Variants in EXTL3 observed in about 807,000 individuals in gnomAD.
EXTL3 encodes the protein exostosin like glycosyltransferase 3.
Under a neutral mutation model 69.3 loss-of-function variants are expected in EXTL3, and 27 were observed. That is an observed-to-expected ratio of 0.39 (90% CI 0.29 to 0.54). The LOEUF (loss-of-function observed/expected upper bound fraction) is 0.54. Among genes scored for constraint, EXTL3 ranks in the 20% least tolerant of loss-of-function variants. The probability of loss-of-function intolerance (pLI) is 0.69; values close to 1 mark genes in which losing one functional copy is unlikely to be tolerated. For missense variants in EXTL3, 1,003 were observed against 1,231.8 expected (o/e 0.81, Z 2.78); for synonymous variants, 511 against 499.4 (o/e 1.02, Z -0.31).
chr8:28,738,052 G>C (rs1801688428), intron 5 of EXTL3, among the ~76,000 whole-genome samples: 1 of 152,172 alleles, frequency 6.6e-6, no homozygotes, highest in Non-Finnish European at 1.5e-5. Context: ...GATATACCAT[G>C]CCTGTCCCGG....
intron 2 of EXTL3, among the ~76,000 whole-genome samples, chr8:28,611,261 G>A (rs1806267922): frequency 6.6e-6 from 1 of 152,106 alleles, no homozygotes; most frequent in South Asian, 2.1e-4. Flanking sequence ...GATCAGTGTG[G>A]GCAATATAGT....
intron 3 of EXTL3, among the ~76,000 whole-genome samples, chr8:28,728,401 T>A (rs1162483672): frequency 6.6e-6 from 1 of 152,232 alleles, no homozygotes; most frequent in African/African-American, 2.4e-5. Flanking sequence ...TTGTGGACTC[T>A]GAGCTTAGGA....
rs1366297716 is a variant in EXTL3 at position 28,635,537 on chromosome 8, T to C, written c.-53+12727T>C. Among the ~76,000 whole-genome samples, 23 of 128,514 alleles carry C rather than the reference T, an allele frequency of 1.8e-4. No homozygotes were observed. The East Asian group carries it at 4.0e-3, about 22-fold the overall frequency. 84.3% of individuals were successfully genotyped at this position (128,514 alleles called of 152,430 possible). A position where few individuals can be genotyped will look rare whatever the true frequency, so the allele number is the denominator to read the frequency against. Reference sequence around the variant, plus strand: ...TAATGCAGTGAAACCCTGTGTCTACTAAAAAATACAAAAAAAAAAAAAAAT... The same window carrying C: ...TAATGCAGTGAAACCCTGTGTCTACCAAAAAATACAAAAAAAAAAAAAAAT... On this transcript the variant is annotated intron_variant, in intron 1 of 6. Transcript: ENST00000523149.
At chr8:28,663,380 T>G (rs1432515222) in intron 1 of EXTL3, among the ~76,000 whole-genome samples, 1 of 152,144 alleles carries the variant, frequency 6.6e-6, no homozygotes, top group East Asian at 1.9e-4. Context: ...GGCCTGGAAA[T>G]CAATTCCTTT....
intron 6 of EXTL3, among the ~76,000 whole-genome samples, chr8:28,749,253 A>T (rs1020912646): frequency 3.9e-5 from 6 of 152,222 alleles, no homozygotes; most frequent in Non-Finnish European, 8.8e-5. Flanking sequence ...GATAGACTAT[A>T]AAACAAGTAG....
chr8:28,668,025 G>T (rs577135696), intron 1 of EXTL3, among the ~76,000 whole-genome samples: 3 of 152,068 alleles, frequency 2.0e-5, no homozygotes, highest in Admixed American at 6.6e-5. Flanking sequence ...CACTTTGGGG[G>T]ATTGAGGTGG....
At chr8:28,668,295 C>A (rs371290956) in intron 1 of EXTL3, among the ~76,000 whole-genome samples, 1,968 of 131,062 alleles carry the variant, frequency 0.015, 63 homozygotes, top group African/African-American at 0.056. Flanking sequence ...AAAGAAAAGA[C>A]AAAGAATACT....
chr8:28,710,717 A>ATT (rs113635439), intron 1 of EXTL3, among the ~76,000 whole-genome samples: 2 of 139,710 alleles, frequency 1.4e-5, no homozygotes. Context: ...GCTAATTTAA[A>ATT]TTTTTTTTTT....
In EXTL3 at chr8:28,750,692, C is replaced by G; in HGVS notation, c.2586C>G (p.Cys862Trp). Residue 862 changes from cysteine (C) to tryptophan (W), a missense_variant, in exon 7 of 7, where the codon TGC (cysteine) becomes TGG (tryptophan). Cys to Trp is a radical substitution (Grantham distance 215). Transcript: ENST00000220562. The surrounding 1 kb of genome is among the most constrained non-coding windows in gnomAD (Gnocchi z 5.2). ...GGTGGACATTCCGATGCCCAGGATG[C>G]CCTCAGGCCCTGTCTCATGATGACT... is the stretch of plus-strand genomic sequence containing the variant. Reference protein sequence around the residue: ...TSRWTFRCPGCPQALSHDDSH... With the variant: ...TSRWTFRCPGWPQALSHDDSH... 6.2e-7 allele frequency: 1 copy of G among 1,614,168 alleles called. No individual in the cohort carries two copies. The highest frequency in any genetic ancestry group is 8.5e-7 in the Non-Finnish European group (1 of 1,180,014).
intron 1 of EXTL3, among the ~76,000 whole-genome samples, chr8:28,635,546 CAA>C (rs1214659044): frequency 7.8e-5 from 9 of 115,872 alleles, no homozygotes; most frequent in Non-Finnish European, 1.2e-4. Context: ...CTAAAAAATA[CAA>C]AAAAAAAAAA....
chr8:28,740,089 T>C (rs929132055), intron 5 of EXTL3: 1 of 152,226 alleles, frequency 6.6e-6, no homozygotes, highest in African/African-American at 2.4e-5. Context: ...TTGGGCCCTC[T>C]AGTGTTGTCC....
intron 1 of EXTL3, among the ~76,000 whole-genome samples, chr8:28,669,240 G>A (rs944378323): frequency 9.2e-5 from 14 of 152,024 alleles, no homozygotes; most frequent in Non-Finnish European, 2.1e-4. Flanking sequence ...TCTTCAATTC[G>A]CACTGCACTA....
intron 2 of EXTL3, among the ~76,000 whole-genome samples, chr8:28,608,247 A>G (rs1016720354): frequency 6.6e-6 from 1 of 152,080 alleles, no homozygotes; most frequent in African/African-American, 2.4e-5. Context: ...ACCCCTTGGG[A>G]AAGGGTTCAG....
At chr8:28,737,402 T>C in intron 4 of EXTL3, 117 bp from the exon 5 acceptor site, 5 of 1,069,228 alleles carry the variant, frequency 4.7e-6, no homozygotes, top group South Asian at 1.3e-5. Context: ...TTTGAAAGGA[T>C]ACGAGAAGTA....
Position 28,733,560 on chromosome 8 carries a change from AT to A in EXTL3, c.2276+2227del, listed in dbSNP as rs1171341000. Among the ~76,000 whole-genome samples, 745 of 129,918 alleles carry A rather than the reference AT, an allele frequency of 5.7e-3. 4 individuals carry two copies. The highest frequency in any genetic ancestry group is 0.014 in the African/African-American group (506 of 35,120). 85.2% of individuals were successfully genotyped at this position (129,918 alleles called of 152,430 possible). Reference sequence around the variant, plus strand: ...ATTACCACACCTGGCTAATCTTTACATTTTTTTTTTTTTTTTTGTACAGATG... The same window carrying A: ...ATTACCACACCTGGCTAATCTTTACATTTTTTTTTTTTTTTTGTACAGATG... On this transcript the variant is annotated intron_variant, in intron 4 of 6. Coordinates refer to ENST00000220562, the MANE Select transcript of EXTL3 (RefSeq NM_001440.4).
At chr8:28,682,055 G>T (rs148487493) in intron 1 of EXTL3, among the ~76,000 whole-genome samples, 2 of 152,136 alleles carry the variant, frequency 1.3e-5, no homozygotes, top group African/African-American at 4.8e-5. Flanking sequence ...GCGAAACTCC[G>T]TCTCAAACAA....
At chr8:28,642,481 G>A (rs1333114045) in intron 1 of EXTL3, among the ~76,000 whole-genome samples, 2 of 151,588 alleles carry the variant, frequency 1.3e-5, no homozygotes, top group Non-Finnish European at 2.9e-5. Flanking sequence ...GGCTAGGTGT[G>A]GTAGCTCATA....
intron 1 of EXTL3, among the ~76,000 whole-genome samples, chr8:28,634,536 C>T (rs1050574223): frequency 2.2e-4 from 34 of 152,114 alleles, no homozygotes; most frequent in African/African-American, 7.5e-4. Context: ...CCTCCTCTTC[C>T]GGGAGGCCCT....
chr8:28,672,831 T>C (rs1807318620), intron 1 of EXTL3, among the ~76,000 whole-genome samples: 1 of 152,204 alleles, frequency 6.6e-6, no homozygotes, highest in Non-Finnish European at 1.5e-5. Context: ...CCAAATCTCA[T>C]CTTGAATTGT....
Sources: allele counts gnomAD v4.1 joint callset (sites outside exome capture counted in the v4.1 genomes callset), GRCh38; gene constraint gnomAD v4.1.1; non-coding constraint Gnocchi (gnomAD v3.1); transcripts MANE v1.5; gene names NCBI Gene and HGNC (gene_info 2026-07-23, HGNC 2026-07-21).